CBFA2T2: variants seen among roughly 807,000 people sequenced by gnomAD.
The protein encoded by CBFA2T2 is CBFA2/RUNX1 partner transcriptional co-repressor 2, also known as protein CBFA2T2.
In CBFA2T2, 11 loss-of-function variants were observed where a neutral mutation model predicts 62.2. The ratio of observed to expected loss-of-function variants is 0.18; its 90% CI spans 0.11 to 0.29. The LOEUF (loss-of-function observed/expected upper bound fraction) is 0.29, where lower values mean the gene tolerates loss of function less well. Among genes scored for constraint, CBFA2T2 ranks in the 10% least tolerant of loss-of-function variants. The pLI, the probability that CBFA2T2 is intolerant of heterozygous loss-of-function variation, is 1.00. For missense variants in CBFA2T2, 592 were observed against 774.1 expected (o/e 0.76, Z 2.79); for synonymous variants, 295 against 287.5 (o/e 1.03, Z -0.27).
chr20:33,553,559 A>G (rs1384583235), intron 1 of CBFA2T2, among the ~76,000 whole-genome samples: 1 of 152,198 alleles, frequency 6.6e-6, no homozygotes, highest in Non-Finnish European at 1.5e-5. Context: ...AAAGGGTCAT[A>G]TAGTGACCGT....
At chr20:33,573,223 T>C (rs1381256476) in intron 1 of CBFA2T2, among the ~76,000 whole-genome samples, 1 of 152,146 alleles carries the variant, frequency 6.6e-6, no homozygotes, top group Non-Finnish European at 1.5e-5. Context: ...GTAAAGATGA[T>C]TAATAAGTAA....
intron 9 of CBFA2T2, among the ~76,000 whole-genome samples, chr20:33,640,116 G>C (rs965381923): frequency 4.6e-5 from 7 of 152,176 alleles, no homozygotes; most frequent in Admixed American, 2.0e-4. Flanking sequence ...AGTGTGGCCT[G>C]TGTCTAGTCA....
chr20:33,574,642 A>C (rs1209608648), intron 1 of CBFA2T2, among the ~76,000 whole-genome samples: 1 of 152,184 alleles, frequency 6.6e-6, no homozygotes, highest in Non-Finnish European at 1.5e-5. Context: ...AAACAAACAA[A>C]AACTCTTATA....
At chr20:33,618,077 G>T (rs940718971) in intron 3 of CBFA2T2, among the ~76,000 whole-genome samples, 1 of 151,580 alleles carries the variant, frequency 6.6e-6, no homozygotes, top group Admixed American at 6.6e-5. Flanking sequence ...GCCTTAATGC[G>T]TACAAATCTG....
intron 1 of CBFA2T2, among the ~76,000 whole-genome samples, chr20:33,534,971 A>G (rs1388559065): frequency 2.0e-5 from 3 of 152,224 alleles, no homozygotes; most frequent in African/African-American, 7.2e-5. Flanking sequence ...AAGTGAGTGC[A>G]TGCTGTTGGA....
chr20:33,642,119 TGTGTGTGTGTG>T (rs1568875373), intron 10 of CBFA2T2, among the ~76,000 whole-genome samples: 339 of 28,878 alleles, frequency 0.012, 3 homozygotes, highest in East Asian at 0.048. Context: ...TTTTTTTTTG[TGTGTGTGTGTG>T]TGTGTGTGTG....
intron 1 of CBFA2T2, among the ~76,000 whole-genome samples, chr20:33,494,701 C>T (rs905102845): frequency 1.3e-5 from 2 of 151,924 alleles, no homozygotes; most frequent in African/African-American, 2.4e-5. Context: ...CAGGTTCAAG[C>T]GATTCTCCTG....
chr20:33,491,186 C>A (rs2011144127), intron 1 of CBFA2T2, among the ~76,000 whole-genome samples: 1 of 151,952 alleles, frequency 6.6e-6, no homozygotes, highest in Admixed American at 6.6e-5. Flanking sequence ...TTATAATAGC[C>A]AACATTTTTT....
chr20:33,519,116 TG>T (rs955655769), intron 1 of CBFA2T2, among the ~76,000 whole-genome samples: 92 of 152,318 alleles, frequency 6.0e-4, no homozygotes, highest in African/African-American at 2.2e-3. Flanking sequence ...CCTCTGTTTC[TG>T]TGGGTTTTGC....
chr20:33,504,924 A>G (rs1003903531), intron 1 of CBFA2T2, among the ~76,000 whole-genome samples: 5 of 152,148 alleles, frequency 3.3e-5, no homozygotes, highest in African/African-American at 1.2e-4. Context: ...TACTTGTTTT[A>G]GAATGTAGGG....
At chr20:33,595,359 A>C (rs2014839336) in intron 1 of CBFA2T2, among the ~76,000 whole-genome samples, 1 of 151,650 alleles carries the variant, frequency 6.6e-6, no homozygotes, top group Non-Finnish European at 1.5e-5. Flanking sequence ...CTACAGGCGC[A>C]CACCACCATG....
At chr20:33,605,359 A>G (rs934363485) in intron 1 of CBFA2T2, among the ~76,000 whole-genome samples, 3 of 152,204 alleles carry the variant, frequency 2.0e-5, no homozygotes, top group African/African-American at 7.2e-5. Flanking sequence ...TGGAGAATGA[A>G]TGGCTGGTAC....
chr20:33,623,879 T>G (rs1385850432), intron 5 of CBFA2T2: 4 of 717,022 alleles, frequency 5.6e-6, no homozygotes, highest in Non-Finnish European at 1.0e-5. Flanking sequence ...TCTAGAGAAT[T>G]TATGGGTCGA....
chr20:33,584,247 CAGATTA>C (rs1011168263), intron 1 of CBFA2T2, among the ~76,000 whole-genome samples: 1 of 151,110 alleles, frequency 6.6e-6, no homozygotes, highest in African/African-American at 2.4e-5. Flanking sequence ...CCATGCTGGC[CAGATTA>C]AGTGACTTTT....
intron 1 of CBFA2T2, among the ~76,000 whole-genome samples, chr20:33,496,267 A>G (rs908805771): frequency 6.6e-6 from 1 of 152,204 alleles, no homozygotes; most frequent in African/African-American, 2.4e-5. Context: ...AGGGAACCTG[A>G]TTGAAGCTTA....
intron 4 of CBFA2T2, among the ~76,000 whole-genome samples, chr20:33,621,898 G>T (rs2016005009): frequency 6.6e-6 from 1 of 152,180 alleles, no homozygotes; most frequent in Non-Finnish European, 1.5e-5. Flanking sequence ...CCCTGAAACA[G>T]CTGTGCTGGT....
intron 1 of CBFA2T2, among the ~76,000 whole-genome samples, chr20:33,525,520 T>C (rs1415804900): frequency 6.6e-6 from 1 of 151,840 alleles, no homozygotes; most frequent in Non-Finnish European, 1.5e-5. Flanking sequence ...AATTTAATAG[T>C]TTTTAGTATG....
In CBFA2T2 at chr20:33,555,150, C is replaced by G. The variant is rs1441348299; in HGVS notation, c.35-51806C>G. On this transcript the variant is annotated intron_variant, in intron 1 of 10. Transcript: ENST00000342704. ...ATTTGGATATGATCCAGTGGAAAGT[C>G]CCTAGTTAGAGGTTTGTTTTTGATT... is the stretch of plus-strand genomic sequence containing the variant. 2.0e-5 allele frequency among the ~76,000 whole-genome samples: 3 copies of G among 152,086 alleles called. No individual in the cohort carries two copies. In the East Asian group the frequency reaches 5.8e-4, roughly 29 times the overall value.
intron 1 of CBFA2T2, among the ~76,000 whole-genome samples, chr20:33,548,094 A>G (rs1031682076): frequency 2.6e-5 from 4 of 151,652 alleles, no homozygotes; most frequent in Admixed American, 6.6e-5. Context: ...AGGAAGAAGA[A>G]ATAATTCCAG....
Sources: allele counts gnomAD v4.1 joint callset (sites outside exome capture counted in the v4.1 genomes callset), GRCh38; gene constraint gnomAD v4.1.1; transcripts MANE v1.5; gene names NCBI Gene and HGNC (gene_info 2026-07-23, HGNC 2026-07-21).